Variants in TTC3 observed in about 807,000 individuals in gnomAD.
The protein encoded by TTC3 is tetratricopeptide repeat domain 3.
In TTC3, 180 loss-of-function variants were observed where a neutral mutation model predicts 249.6. The observed-to-expected ratio is 0.72, with a 90% CI of 0.64 to 0.82. The LOEUF is 0.82. TTC3 is among the 40% of genes least tolerant of loss of function. TTC3 has a pLI of 0.00. For synonymous variants in TTC3, 717 were observed against 805.0 expected (o/e 0.89, Z 1.85); for missense variants, 2,061 against 2,398.4 (o/e 0.86, Z 2.94).
chr21:37,131,279 C>T (rs2077449124), intron 16 of TTC3, among the ~76,000 whole-genome samples: 2 of 152,140 alleles, frequency 1.3e-5, no homozygotes, highest in South Asian at 4.1e-4. Flanking sequence ...AGCCTCATAC[C>T]TGACCTCCAA....
At chr21:37,175,749 C>T (rs939827183) in intron 35 of TTC3, among the ~76,000 whole-genome samples, 3 of 151,594 alleles carry the variant, frequency 2.0e-5, no homozygotes, top group East Asian at 3.9e-4. Flanking sequence ...TATTCTCTGC[C>T]GGCGGAAAAG....
chr21:37,122,011 C>G (rs775900642), intron 12 of TTC3, 32 bp downstream of exon 12: 2 of 1,560,076 alleles, frequency 1.3e-6, no homozygotes, highest in Non-Finnish European at 1.7e-6. Flanking sequence ...TGGTTACAGT[C>G]TTAATTCCCT....
intron 11 of TTC3, 45 bp downstream of exon 11, chr21:37,108,491 A>G: frequency 1.3e-6 from 2 of 1,549,980 alleles, no homozygotes; most frequent in Admixed American, 1.9e-5. Flanking sequence ...ATGCCATACA[A>G]CATTGTGAAA....
chr21:37,107,536 AT>A (rs1345816990), intron 10 of TTC3, among the ~76,000 whole-genome samples: 6 of 152,314 alleles, frequency 3.9e-5, no homozygotes, highest in Admixed American at 2.6e-4. Context: ...GTAGTATCTA[AT>A]TTAATATCTA....
At chr21:37,098,248 T>C in intron 10 of TTC3, 1 of 243,508 alleles carries the variant, frequency 4.1e-6, no homozygotes, top group Non-Finnish European at 7.8e-6. Flanking sequence ...GATGAATAGG[T>C]TGGCAACTTG....
At chr21:37,093,379 C>CAAAAAAAA (rs766230187) in intron 7 of TTC3, 1 of 59,130 alleles carries the variant, frequency 1.7e-5, no homozygotes, top group Non-Finnish European at 3.5e-5. Flanking sequence ...AACTCCATCT[C>CAAAAAAAA]AAAAAAAAAA....
rs1265382369 is a variant in TTC3, at chr21:37,073,467, G to A, written c.-12+103G>A. On this transcript the variant is annotated intron_variant, in intron 1 of 45. The change creates a new upstream start codon in the 5' untranslated region. Coordinates refer to ENST00000355666, the Ensembl canonical transcript of TTC3. ...GGGGCCTTCCACACCCCCTCCGTGGGTGTGTGGTGAGTGTGGGTGTGTGCG... is the reference window on the plus strand; with the variant it reads ...GGGGCCTTCCACACCCCCTCCGTGGATGTGTGGTGAGTGTGGGTGTGTGCG... The A allele has an allele frequency of 2.0e-6, 2 of 986,186 alleles. No homozygotes were observed. The highest frequency in any genetic ancestry group is 6.2e-5 in the Admixed American group (1 of 16,258). The allele number at this position is 986,186 out of a possible 1,614,324, so 61.1% of individuals were successfully genotyped here. A position where few individuals can be genotyped will look rare whatever the true frequency, so the allele number is the denominator to read the frequency against.
intron 8 of TTC3, among the ~76,000 whole-genome samples, chr21:37,095,135 A>ACATGTGTGTGTG (rs1555853733): frequency 0.025 from 1,921 of 76,706 alleles, 11 homozygotes; most frequent in Non-Finnish European, 0.044. Context: ...GTCTCTAAAA[A>ACATGTGTGTGTG]TATGTGTGTG....
intron 28 of TTC3, 46 bp downstream of exon 28, chr21:37,156,952 G>C (rs764792281): frequency 7.3e-5 from 115 of 1,577,696 alleles, no homozygotes; most frequent in Non-Finnish European, 9.2e-5. Context: ...ATCTTAAGGG[G>C]GAAAAAATCT....
intron 34 of TTC3, among the ~76,000 whole-genome samples, chr21:37,171,549 G>A (rs147617669): frequency 6.6e-6 from 1 of 152,120 alleles, no homozygotes; most frequent in East Asian, 1.9e-4. Flanking sequence ...ATTCATTCAC[G>A]ACAGCAAGTT....
intron 27 of TTC3, among the ~76,000 whole-genome samples, chr21:37,155,480 G>C (rs532796177): frequency 6.6e-6 from 1 of 152,076 alleles, no homozygotes; most frequent in Non-Finnish European, 1.5e-5. Context: ...TATTCTACAT[G>C]GTCCCTTATT....
chr21:37,087,206 A>G (rs906399388), intron 1 of TTC3, 41 bp from the exon 2 acceptor site: 2 of 1,597,622 alleles, frequency 1.3e-6, no homozygotes, highest in African/African-American at 2.7e-5. Context: ...TGTTATCTCA[A>G]ATGATTTAAT....
chr21:37,164,996 A>G (rs373335252), intron 32 of TTC3, among the ~76,000 whole-genome samples: 2 of 152,252 alleles, frequency 1.3e-5, no homozygotes, highest in East Asian at 1.9e-4. Flanking sequence ...TTAGAGTTGA[A>G]ATGCTGAGCA....
At chr21:37,163,778 T>G (rs866939657) in intron 31 of TTC3, among the ~76,000 whole-genome samples, 1 of 152,236 alleles carries the variant, frequency 6.6e-6, no homozygotes, top group Admixed American at 6.5e-5. Context: ...CAACTTTTTT[T>G]AAAAATATGG....
intron 5 of TTC3, 30 bp from the exon 6 acceptor site, chr21:37,090,203 G>GA (rs2073068985): frequency 1.3e-6 from 2 of 1,549,780 alleles, no homozygotes; most frequent in Admixed American, 1.8e-5. Context: ...ACTGAATAAG[G>GA]AAAAAATATG....
intron 10 of TTC3, among the ~76,000 whole-genome samples, chr21:37,102,868 A>G (rs1391057177): frequency 6.6e-6 from 1 of 152,166 alleles, no homozygotes; most frequent in Non-Finnish European, 1.5e-5. Flanking sequence ...ATGTTGGTGC[A>G]TGCCTGTAAT....
chr21:37,143,219 T>G (rs2078658409), intron 20 of TTC3, among the ~76,000 whole-genome samples: 1 of 152,044 alleles, frequency 6.6e-6, no homozygotes, highest in Non-Finnish European at 1.5e-5. Context: ...CCAAAAGCAA[T>G]GGCAACAAAA....
intron 11 of TTC3, among the ~76,000 whole-genome samples, chr21:37,114,955 TCTCA>T (rs993418190): frequency 3.3e-5 from 5 of 152,002 alleles, no homozygotes; most frequent in Admixed American, 6.6e-5. Context: ...CACCGCATGT[TCTCA>T]CTCATAGGTG....
At chr21:37,125,722 G>GT (rs66654732) in intron 14 of TTC3, among the ~76,000 whole-genome samples, 152,034 of 152,034 alleles carry the variant, frequency 1, 76,017 homozygotes, top group Non-Finnish European at 1. Context: ...TGCTGCTTCT[G>GT]TTTCTTACTC....
Sources: allele counts gnomAD v4.1 joint callset (sites outside exome capture counted in the v4.1 genomes callset), GRCh38; gene constraint gnomAD v4.1.1; transcripts MANE v1.5; gene names NCBI Gene and HGNC (gene_info 2026-07-23, HGNC 2026-07-21).